Variants in PCDHGA9 observed in about 807,000 individuals in gnomAD.
PCDHGA9 encodes protocadherin gamma subfamily A, 9, also known as protocadherin gamma-A9.
In PCDHGA9, 37 loss-of-function variants were observed where a neutral mutation model predicts 62.5. That is an observed-to-expected ratio of 0.59 (90% CI 0.46 to 0.78). The LOEUF (loss-of-function observed/expected upper bound fraction) is 0.78. PCDHGA9 is among the 30% of genes least tolerant of loss of function. The pLI, the probability that PCDHGA9 is intolerant of heterozygous loss-of-function variation, is 0.00. For missense variants in PCDHGA9, 1,138 were observed against 1,166.2 expected (o/e 0.98, Z 0.35); for synonymous variants, 459 against 484.6 (o/e 0.95, Z 0.69).
At chr5:141,509,354 A>G (rs1229726913) in intron 3 of PCDHGA9, among the ~76,000 whole-genome samples, 2 of 152,144 alleles carry the variant, frequency 1.3e-5, no homozygotes, top group Non-Finnish European at 2.9e-5. Context: ...TGGCCTGGGC[A>G]TCCCTGAGGT....
intron 1 of PCDHGA9, chr5:141,475,850 G>A (rs2099376325): frequency 1.9e-5 from 9 of 464,524 alleles, no homozygotes; most frequent in Middle Eastern, 5.9e-4. Context: ...AGAGAGCCCG[G>A]CGCTAGCTCA....
At chr5:141,408,776 C>A in intron 1 of PCDHGA9, 2 of 1,611,684 alleles carry the variant, frequency 1.2e-6, no homozygotes, top group Non-Finnish European at 1.7e-6. Flanking sequence ...TGGCAAATAC[C>A]CAGAGTTATC....
chr5:141,414,752 ATG>A, intron 1 of PCDHGA9: 2 of 1,614,228 alleles, frequency 1.2e-6, no homozygotes, highest in Non-Finnish European at 1.7e-6. Context: ...TCCTTCGACT[ATG>A]AGCAGTTTCA....
rs1036223789 is a variant in PCDHGA9, at chr5:141,511,298, G to A, written c.*125G>A. On this transcript the variant is annotated 3_prime_UTR_variant, in exon 4 of 4. Transcript: ENST00000573521. ...GAATACTGGTAGGGGCCAAGGCCAT[G>A]CTCCCCTTGGGAAACAGAAACAAGT... The A allele has an allele frequency of 4.7e-6, 7 of 1,502,412 alleles. No individual in the cohort carries two copies. In the African/African-American group the frequency reaches 8.4e-5, roughly 18 times the overall value. The allele number at this position is 1,502,412 out of a possible 1,614,324, so 93.1% of individuals were successfully genotyped here. A position where few individuals can be genotyped will look rare whatever the true frequency, so the allele number is the denominator to read the frequency against.
At chr5:141,417,007 C>A (rs1204390468) in intron 1 of PCDHGA9, 1 of 148,406 alleles carries the variant, frequency 6.7e-6, no homozygotes, top group Non-Finnish European at 1.5e-5. Flanking sequence ...TCAAATAATT[C>A]TATTATTTTG....
In PCDHGA9 at chr5:141,432,126, C is replaced by G. The variant is rs750150518; in HGVS notation, c.2424+26750C>G. 12 of 1,614,026 alleles carry G rather than the reference C, an allele frequency of 7.4e-6. No homozygotes were observed. Among genetic ancestry groups the G allele is most frequent in the South Asian group, 4.4e-5 (4 of 91,062 alleles). On this transcript the variant is annotated intron_variant, in intron 1 of 3. Transcript: ENST00000573521. The surrounding 1 kb of genome is among the most constrained non-coding windows in gnomAD (Gnocchi z 6.0). ...AACCCGCCGGTCTTCCCTCAGGCCT[C>G]CTATTCCGCTTATATCCCAGAGAAC...
intron 1 of PCDHGA9, chr5:141,426,438 G>A (rs567163831): frequency 4.7e-5 from 14 of 300,110 alleles, no homozygotes; most frequent in Admixed American, 1.7e-4. Context: ...GGAACCTTGC[G>A]GAGGACATGC....
rs1018384314 is a variant in PCDHGA9 at position 141,490,427 on chromosome 5, A to G, written c.2425-4380A>G. On this transcript the variant is annotated intron_variant, in intron 1 of 3. Coordinates refer to ENST00000573521, the MANE Select transcript of PCDHGA9 (RefSeq NM_018921.3). This position sits in a 1 kb window ranked among gnomAD's most constrained non-coding sequence, Gnocchi z 5.4. ...GATATCTCTCCGGACCTGCCATTTCAGATTAAGCCTTCTGAGAACCACTAC... is the reference window on the plus strand; with the variant it reads ...GATATCTCTCCGGACCTGCCATTTCGGATTAAGCCTTCTGAGAACCACTAC... 6.2e-7 allele frequency: 1 copy of G among 1,614,092 alleles called. No individual in the cohort carries two copies.
chr5:141,433,017 A>T, intron 1 of PCDHGA9: 1 of 1,614,124 alleles, frequency 6.2e-7, no homozygotes, highest in Non-Finnish European at 8.5e-7. Flanking sequence ...CTGCAGACCT[A>T]TTCCCACGAG....
chr5:141,412,000 C>G (rs936679371), intron 1 of PCDHGA9: 4 of 151,788 alleles, frequency 2.6e-5, no homozygotes, highest in East Asian at 1.9e-4. Flanking sequence ...GGCATAGTGA[C>G]ATAAACACTT....
In PCDHGA9 at chr5:141,511,188, C is replaced by A; in HGVS notation, c.*15C>A. 1 of 1,613,804 alleles carries A rather than the reference C, an allele frequency of 6.2e-7. No homozygotes were observed. ...AGAAGAAGTAACATGGAGGCCAGGC[C>A]AAGAGCCACAGGGCGGCCTCTCCCC... On this transcript the variant is annotated 3_prime_UTR_variant, in exon 4 of 4. Transcript: ENST00000573521.
At position 141,491,289 on chromosome 5, in the gene PCDHGA9, C is replaced by T. The variant is rs2099710219; in HGVS notation, c.2425-3518C>T. ...CCAAATCCAGTGACTTCCTCATACA[C>T]CCTCCTGAGCGTTCAGACCTTACCC... On this transcript the variant is annotated intron_variant, in intron 1 of 3. Transcript: ENST00000573521. The surrounding 1 kb of genome is among the most constrained non-coding windows in gnomAD (Gnocchi z 6.9). 2 of 1,614,112 alleles carry T rather than the reference C, an allele frequency of 1.2e-6. No homozygotes were observed. The highest frequency in any genetic ancestry group is 1.7e-6 in the Non-Finnish European group (2 of 1,179,942).
chr5:141,489,271 G>A lies in PCDHGA9; in HGVS notation c.2425-5536G>A, dbSNP rs1431562179. The A allele has an allele frequency of 2.4e-5, 37 of 1,554,676 alleles. No individual in the cohort carries two copies. The highest frequency in any genetic ancestry group is 3.0e-5 in the Non-Finnish European group (35 of 1,150,770). ...GCCCAAGACACTCCCACAGCTCGCT[G>A]GGAAATGGCAAGTGCTGTGCATGTT... On this transcript the variant is annotated intron_variant, in intron 1 of 3. Transcript: ENST00000573521. The surrounding 1 kb of genome is among the most constrained non-coding windows in gnomAD (Gnocchi z 4.5).
At chr5:141,448,924 G>A (rs1244728418) in intron 1 of PCDHGA9, among the ~76,000 whole-genome samples, 1 of 152,116 alleles carries the variant, frequency 6.6e-6, no homozygotes, top group East Asian at 1.9e-4. Flanking sequence ...CAGCCTGGGC[G>A]ACAGAGCAAG....
At chr5:141,464,923 A>G (rs544281066) in intron 1 of PCDHGA9, among the ~76,000 whole-genome samples, 3 of 151,406 alleles carry the variant, frequency 2.0e-5, no homozygotes, top group Non-Finnish European at 4.4e-5. Flanking sequence ...ATTTTTTTGT[A>G]GAGATGTGAG....
At chr5:141,464,411 A>G (rs1029342220) in intron 1 of PCDHGA9, among the ~76,000 whole-genome samples, 3 of 151,624 alleles carry the variant, frequency 2.0e-5, no homozygotes, top group Admixed American at 6.6e-5. Flanking sequence ...AGATATATAT[A>G]TATCTATATA....
intron 1 of PCDHGA9, among the ~76,000 whole-genome samples, chr5:141,460,979 GTGTGTATATA>G (rs143444831): frequency 0.04 from 5,417 of 134,264 alleles, 125 homozygotes; most frequent in South Asian, 0.082. Context: ...GTGTGTGTGT[GTGTGTATATA>G]TATATATGTG....
Position 141,431,240 on chromosome 5 carries a change from G to A in PCDHGA9, c.2424+25864G>A, listed in dbSNP as rs1402814836. 6 of 1,614,044 alleles carry A rather than the reference G, an allele frequency of 3.7e-6. No individual in the cohort carries two copies. Among genetic ancestry groups the A allele is most frequent in the Non-Finnish European group, 5.1e-6 (6 of 1,180,056 alleles). On this transcript the variant is annotated intron_variant, in intron 1 of 3. Coordinates refer to ENST00000573521, the MANE Select transcript of PCDHGA9 (RefSeq NM_018921.3). The surrounding 1 kb of genome is among the most constrained non-coding windows in gnomAD (Gnocchi z 4.8). Reference sequence around the variant, plus strand: ...CCCTCTACCCCACGCCTGGGATCCGGATATCGGGAAGAACTCTCTGCAGAG... The same window carrying A: ...CCCTCTACCCCACGCCTGGGATCCGAATATCGGGAAGAACTCTCTGCAGAG...
chr5:141,415,759 T>TG (rs2095937522), intron 1 of PCDHGA9: 3 of 1,352,056 alleles, frequency 2.2e-6, no homozygotes, highest in Non-Finnish European at 2.9e-6. Flanking sequence ...TTTTTTTTTT[T>TG]TTTTTTTTTT....
Sources: gnomAD v4.1 joint callset for allele counts (sites outside exome capture counted in the v4.1 genomes callset) on GRCh38, gnomAD v4.1.1 for gene constraint, Gnocchi (gnomAD v3.1) non-coding constraint, MANE v1.5 for transcripts, NCBI Gene and HGNC (gene_info 2026-07-23, HGNC 2026-07-21) for gene names.